NDP: variants seen among roughly 807,000 people sequenced by gnomAD.
NDP encodes the protein norrin cystine knot growth factor NDP.
Under a neutral mutation model 8.4 loss-of-function variants are expected in NDP, and 2 were observed. That is an observed-to-expected ratio of 0.24 (90% CI 0.10 to 0.75). NDP has a LOEUF of 0.75. NDP is among the 30% of genes least tolerant of loss of function. NDP has a pLI of 0.73. For synonymous variants in NDP, 55 were observed against 45.6 expected (o/e 1.21, Z -0.83); for missense variants, 81 against 110.1 (o/e 0.74, Z 1.18).
At chrX:43,970,461 G>C (rs1204439613) in intron 1 of NDP, among the ~76,000 whole-genome samples, 1 of 111,969 alleles carries the variant, frequency 8.9e-6, no homozygotes, top group Admixed American at 9.4e-5. Context: ...CCAACCACGG[G>C]GGATTATCTG....
intron 1 of NDP, chrX:43,960,706 C>A (rs2035821660): frequency 8.9e-6 from 1 of 112,112 alleles, no homozygotes; most frequent in Admixed American, 9.4e-5. Flanking sequence ...TAAATTATCC[C>A]AAGTGGTTAT....
intron 1 of NDP, among the ~76,000 whole-genome samples, chrX:43,970,618 G>T (rs2035886418): frequency 9.0e-6 from 1 of 111,568 alleles, no homozygotes; most frequent in South Asian, 3.8e-4. Flanking sequence ...GTTTGGGGAA[G>T]AGTTTCCAAC....
At chrX:43,961,725 T>C (rs1345821940) in intron 1 of NDP, among the ~76,000 whole-genome samples, 3 of 111,745 alleles carry the variant, frequency 2.7e-5, no homozygotes, top group African/African-American at 9.7e-5. Flanking sequence ...ATATGGTAAC[T>C]AAGTTAATGG....
chrX:43,955,829 G>C (rs1001860538), intron 2 of NDP, among the ~76,000 whole-genome samples: 1 of 111,499 alleles, frequency 9.0e-6, no homozygotes, highest in Non-Finnish European at 1.9e-5. Context: ...GCAAGTTCAG[G>C]GCTGGGATGA....
rs780341356 is a variant in NDP at position 43,957,301 on chromosome X, T to C, written c.174+1171A>G. On this transcript the variant is annotated intron_variant, in intron 2 of 2. Transcript: ENST00000642620. ...GTTTCCCTTTCCTAAGAAGGAATTG[T>C]GGCCCTGCAAAAATTTATGTTCATC... 3.8e-5 allele frequency among the ~76,000 whole-genome samples: 4 copies of C among 105,967 alleles called. No homozygotes were observed. The East Asian group carries it at 1.2e-3, about 31-fold the overall frequency. 92.0% of individuals were successfully genotyped at this position (105,967 alleles called of 115,157 possible). A position where few individuals can be genotyped will look rare whatever the true frequency, so the allele number is the denominator to read the frequency against.
intron 1 of NDP, among the ~76,000 whole-genome samples, chrX:43,959,280 G>T (rs2035813063): frequency 9.0e-6 from 1 of 111,561 alleles, no homozygotes; most frequent in South Asian, 3.8e-4. Context: ...TAGAGAGGAG[G>T]CAGGTCAGCA....
intron 1 of NDP, among the ~76,000 whole-genome samples, chrX:43,964,822 G>A (rs781373950): frequency 8.9e-6 from 1 of 111,790 alleles, no homozygotes; most frequent in Admixed American, 9.4e-5. Flanking sequence ...GCTTTTATGT[G>A]TCTATCCATT....
chrX:43,959,527 G>A (rs1006223425), intron 1 of NDP, among the ~76,000 whole-genome samples: 7 of 112,340 alleles, frequency 6.2e-5, no homozygotes, highest in African/African-American at 2.3e-4. Flanking sequence ...TTTCTGCAGA[G>A]CCTTTGTAGC....
chrX:43,972,723 C>CA (rs747230498), intron 1 of NDP, among the ~76,000 whole-genome samples: 1 of 112,591 alleles, frequency 8.9e-6, no homozygotes, highest in Non-Finnish European at 1.9e-5. Flanking sequence ...AAGAAGAGTG[C>CA]AAGGGAGCAG....
At chrX:43,970,564 G>A (rs1359218530) in intron 1 of NDP, among the ~76,000 whole-genome samples, 2 of 111,190 alleles carry the variant, frequency 1.8e-5, no homozygotes, top group Admixed American at 9.5e-5. Flanking sequence ...ACACCATACT[G>A]GGTTATTTGA....
At chrX:43,952,546 A>G (rs2035768941) in intron 2 of NDP, among the ~76,000 whole-genome samples, 1 of 111,940 alleles carries the variant, frequency 8.9e-6, no homozygotes, top group African/African-American at 3.3e-5. Context: ...GGCCTAACTG[A>G]CTGGGCCATT....
At chrX:43,955,440 G>T (rs889361130) in intron 2 of NDP, among the ~76,000 whole-genome samples, 13 of 111,848 alleles carry the variant, frequency 1.2e-4, no homozygotes, top group African/African-American at 4.2e-4. Flanking sequence ...TCACTCATTC[G>T]GCAAGCCATG....
chrX:43,965,053 G>C (rs188879466), intron 1 of NDP, among the ~76,000 whole-genome samples: 10 of 112,291 alleles, frequency 8.9e-5, no homozygotes, highest in African/African-American at 3.2e-4. Flanking sequence ...AAAAACAGCC[G>C]TTAATAACCA....
rs1055917012 is a variant in NDP, at chrX:43,973,378, C to T, written c.-282G>A. On this transcript the variant is annotated 5_prime_UTR_variant, in exon 1 of 3. Transcript: ENST00000642620. ...AAAGAGGTCCTGTTACTTCCAAATG[C>T]TTTTGTTCTTCTGTCCCTCTGTCAC... 2.7e-5 allele frequency: 3 copies of T among 110,343 alleles called. No homozygotes were observed. Among genetic ancestry groups the T allele is most frequent in the African/African-American group, 9.9e-5 (3 of 30,217 alleles). 9.1% of individuals were successfully genotyped at this position (110,343 alleles called of 1,213,427 possible).
chrX:43,973,112 C>T (rs974544796), intron 1 of NDP, among the ~76,000 whole-genome samples, 192 bp downstream of exon 1: 4 of 112,867 alleles, frequency 3.5e-5, no homozygotes, highest in Non-Finnish European at 7.5e-5. Context: ...GCTCCCTGCT[C>T]TGTCACAGAC....
intron 2 of NDP, among the ~76,000 whole-genome samples, chrX:43,958,099 G>A (rs2035805739): frequency 1.8e-5 from 2 of 111,122 alleles, no homozygotes; most frequent in Admixed American, 9.5e-5. Flanking sequence ...CAAGAAGTAT[G>A]TTCCACTGCT....
intron 1 of NDP, among the ~76,000 whole-genome samples, chrX:43,962,931 C>A (rs1277531020): frequency 8.9e-6 from 1 of 112,243 alleles, no homozygotes; most frequent in African/African-American, 3.2e-5. Flanking sequence ...GCGGGCCCAG[C>A]CTCCTGGGTG....
intron 1 of NDP, among the ~76,000 whole-genome samples, chrX:43,966,766 A>G (rs1012679551): frequency 1.3e-4 from 14 of 111,667 alleles, no homozygotes; most frequent in African/African-American, 4.2e-4. Context: ...CCAAATGAGC[A>G]TGTTGGCCTT....
chrX:43,966,028 A>T (rs2035856166), intron 1 of NDP, among the ~76,000 whole-genome samples: 1 of 112,336 alleles, frequency 8.9e-6, no homozygotes, highest in Admixed American at 9.4e-5. Context: ...AGTTTTTAAC[A>T]GTTGACATAA....
Sources: allele counts gnomAD v4.1 joint callset (sites outside exome capture counted in the v4.1 genomes callset), GRCh38; gene constraint gnomAD v4.1.1; transcripts MANE v1.5; gene names NCBI Gene and HGNC (gene_info 2026-07-23, HGNC 2026-07-21).